Variants in TBCEL observed in about 807,000 individuals in gnomAD.
TBCEL encodes the protein tubulin-specific chaperone cofactor E-like protein.
Under a neutral mutation model 44.2 loss-of-function variants are expected in TBCEL, and 15 were observed. The ratio of observed to expected loss-of-function variants is 0.34; its 90% CI spans 0.23 to 0.52. The LOEUF is 0.52. Ranked by LOEUF, TBCEL falls within the 20% of genes least tolerant of loss-of-function variation. The pLI is 0.95. For synonymous variants in TBCEL, 171 were observed against 185.4 expected (o/e 0.92, Z 0.63); for missense variants, 319 against 506.3 (o/e 0.63, Z 3.55).
intron 8 of TBCEL, 81 bp from the exon 9 acceptor site, chr11:121,086,697 T>C (rs952311032): frequency 7.9e-6 from 8 of 1,014,820 alleles, no homozygotes; most frequent in Non-Finnish European, 1.2e-5. Context: ...CCTAGTAATA[T>C]TGTTTATCTG....
intron 8 of TBCEL, among the ~76,000 whole-genome samples, chr11:121,084,752 G>C (rs1191481247): frequency 6.6e-6 from 1 of 152,000 alleles, no homozygotes; most frequent in Non-Finnish European, 1.5e-5. Flanking sequence ...TGACCACTGG[G>C]TTCTGCTGTC....
At chr11:121,043,221 A>C (rs1945366054) in intron 2 of TBCEL, among the ~76,000 whole-genome samples, 1 of 152,128 alleles carries the variant, frequency 6.6e-6, no homozygotes, top group Non-Finnish European at 1.5e-5. Context: ...AGCACCTGAG[A>C]GGCTAGCGAT....
At chr11:121,025,366 G>T (rs148399101) in intron 1 of TBCEL, among the ~76,000 whole-genome samples, 1 of 152,004 alleles carries the variant, frequency 6.6e-6, no homozygotes, top group Non-Finnish European at 1.5e-5. Context: ...GTCCTGAGAT[G>T]CATTAGACCC....
chr11:121,076,271 A>G (rs1946031286), intron 8 of TBCEL, among the ~76,000 whole-genome samples: 1 of 152,028 alleles, frequency 6.6e-6, no homozygotes, highest in Non-Finnish European at 1.5e-5. Context: ...TAATTTGTCC[A>G]GAATTTACAT....
intron 8 of TBCEL, among the ~76,000 whole-genome samples, chr11:121,081,829 CAT>C (rs533400180): frequency 6.6e-6 from 1 of 151,714 alleles, no homozygotes; most frequent in African/African-American, 2.4e-5. Context: ...TTTAAGGGAA[CAT>C]ATATATATAT....
chr11:121,026,562 C>T (rs895580646), intron 1 of TBCEL, among the ~76,000 whole-genome samples: 33 of 152,136 alleles, frequency 2.2e-4, no homozygotes, highest in African/African-American at 7.2e-4. Context: ...CAGAAGTACC[C>T]AAGTTAAAAC....
At chr11:121,068,862 GGGT>G (rs1243678429) in intron 8 of TBCEL, among the ~76,000 whole-genome samples, 22 of 151,316 alleles carry the variant, frequency 1.5e-4, no homozygotes, top group African/African-American at 5.4e-4. Context: ...ACTGCAGCCT[GGGT>G]GACAGAGCAA....
chr11:121,055,832 C>T (rs1347773114), intron 6 of TBCEL, among the ~76,000 whole-genome samples: 2 of 151,448 alleles, frequency 1.3e-5, no homozygotes, highest in African/African-American at 2.4e-5. Flanking sequence ...TAAAATTCAA[C>T]AGAGAGTACA....
chr11:121,068,527 T>C (rs684727), intron 8 of TBCEL, among the ~76,000 whole-genome samples: 33 of 152,208 alleles, frequency 2.2e-4, no homozygotes, highest in Non-Finnish European at 2.8e-4. Flanking sequence ...AGTCCACCCT[T>C]GCTCCCTTAA....
At chr11:121,070,669 C>A (rs959569295) in intron 8 of TBCEL, among the ~76,000 whole-genome samples, 6 of 141,528 alleles carry the variant, frequency 4.2e-5, no homozygotes, top group African/African-American at 1.6e-4. Flanking sequence ...CACTTGGACA[C>A]AGGGCAGGGA....
At chr11:121,061,221 G>T (rs547774395) in intron 8 of TBCEL, among the ~76,000 whole-genome samples, 1 of 151,818 alleles carries the variant, frequency 6.6e-6, no homozygotes, top group African/African-American at 2.4e-5. Flanking sequence ...TTTTTTTTAG[G>T]TAAAAAATGC....
At chr11:121,085,506 C>G (rs1946200147) in intron 8 of TBCEL, among the ~76,000 whole-genome samples, 1 of 152,096 alleles carries the variant, frequency 6.6e-6, no homozygotes, top group Non-Finnish European at 1.5e-5. Flanking sequence ...CCTAATTTTA[C>G]TAATGAGGAA....
chr11:121,040,904 T>C (rs1945320450), intron 2 of TBCEL, among the ~76,000 whole-genome samples: 1 of 152,206 alleles, frequency 6.6e-6, no homozygotes, highest in Admixed American at 6.5e-5. Context: ...TCGATACTAC[T>C]TTTATTCATT....
intron 8 of TBCEL, among the ~76,000 whole-genome samples, chr11:121,083,052 C>T (rs1773570892): frequency 6.6e-6 from 1 of 152,184 alleles, no homozygotes; most frequent in Admixed American, 6.6e-5. Context: ...GAAGCTAAAT[C>T]TCATTGGCAA....
intron 2 of TBCEL, among the ~76,000 whole-genome samples, chr11:121,043,266 A>G (rs1945366961): frequency 6.6e-6 from 1 of 152,174 alleles, no homozygotes; most frequent in Non-Finnish European, 1.5e-5. Flanking sequence ...AACCGTTACC[A>G]TGTATAATAA....
At chr11:121,076,253 T>G (rs527382956) in intron 8 of TBCEL, among the ~76,000 whole-genome samples, 6 of 152,100 alleles carry the variant, frequency 3.9e-5, no homozygotes, top group African/African-American at 1.4e-4. Context: ...TGTGTTGAAT[T>G]TATAGAATAA....
At chr11:121,057,081 T>C (rs143975552) in intron 6 of TBCEL, among the ~76,000 whole-genome samples, 1 of 151,898 alleles carries the variant, frequency 6.6e-6, no homozygotes, top group African/African-American at 2.4e-5. Context: ...TAAAATCCAG[T>C]GTTTTGCATA....
At position 121,089,736 on chromosome 11, in the gene TBCEL, G is replaced by A. The variant is rs1946265336; in HGVS notation, c.*2640G>A. 1 of 152,122 alleles carries A rather than the reference G, an allele frequency of 6.6e-6. No homozygotes were observed. The highest frequency in any genetic ancestry group is 1.5e-5 in the Non-Finnish European group (1 of 68,024). 9.4% of individuals were successfully genotyped at this position (152,122 alleles called of 1,614,324 possible). On this transcript the variant is annotated 3_prime_UTR_variant, in exon 9 of 9. Coordinates refer to ENST00000683345, the MANE Select transcript of TBCEL (RefSeq NM_001363644.2). The stretch of plus-strand genomic sequence containing the variant: ...TTATCTGTATTTTAATATTGACTTT[G>A]TCCAGATTCAGTGAGAACATAGTAT...
At chr11:121,083,183 T>C (rs1173800446) in intron 8 of TBCEL, among the ~76,000 whole-genome samples, 1 of 152,234 alleles carries the variant, frequency 6.6e-6, no homozygotes, top group East Asian at 1.9e-4. Flanking sequence ...CAAAAAATTG[T>C]AGCAATCTAG....
Sources: gnomAD v4.1 joint callset for allele counts (sites outside exome capture counted in the v4.1 genomes callset) on GRCh38, gnomAD v4.1.1 for gene constraint, MANE v1.5 for transcripts, NCBI Gene and HGNC (gene_info 2026-07-23, HGNC 2026-07-21) for gene names.